Variants in KCNJ16 observed in about 807,000 individuals in gnomAD.
KCNJ16 encodes the protein potassium inwardly rectifying channel subfamily J member 16, also known as inward rectifier potassium channel 16.
In KCNJ16, 15 loss-of-function variants were observed where a neutral mutation model predicts 18.5. The ratio of observed to expected loss-of-function variants is 0.81; its 90% CI spans 0.54 to 1.25. KCNJ16 has a LOEUF of 1.25. Ranked by LOEUF, KCNJ16 falls within the 50% of genes most tolerant of loss-of-function variation. KCNJ16 has a pLI of 0.00. For synonymous variants in KCNJ16, 174 were observed against 186.5 expected (o/e 0.93, Z 0.55); for missense variants, 523 against 525.7 (o/e 0.99, Z 0.05).
chr17:70,090,607 G>T (rs1383571380), intron 1 of KCNJ16, among the ~76,000 whole-genome samples: 3 of 152,044 alleles, frequency 2.0e-5, no homozygotes, highest in Non-Finnish European at 2.9e-5. Flanking sequence ...AGTAATTTTT[G>T]ATTTATCTAC....
intron 2 of KCNJ16, among the ~76,000 whole-genome samples, chr17:70,117,607 AC>A (rs1252986761): frequency 2.0e-5 from 3 of 152,304 alleles, no homozygotes; most frequent in Non-Finnish European, 4.4e-5. Flanking sequence ...TGTTTGGAGA[AC>A]TGTCAACACT....
chr17:70,077,405 G>A (rs964325824), intron 1 of KCNJ16, among the ~76,000 whole-genome samples: 15 of 152,186 alleles, frequency 9.9e-5, no homozygotes, highest in African/African-American at 3.6e-4. Flanking sequence ...AAGCATGAGA[G>A]CAAATGAAGT....
chr17:70,131,448 C>T (rs140165818), intron 3 of KCNJ16: 66 of 997,730 alleles, frequency 6.6e-5, no homozygotes, highest in African/African-American at 4.9e-4. Context: ...GAAAAGCCTC[C>T]GTGGAAGAGA....
At chr17:70,115,879 TA>T (rs1301956164) in intron 2 of KCNJ16, among the ~76,000 whole-genome samples, 3 of 152,208 alleles carry the variant, frequency 2.0e-5, no homozygotes, top group African/African-American at 4.8e-5. Flanking sequence ...TGGCTGACTT[TA>T]AATGTCTGTA....
chr17:70,093,658 T>G (rs145592117), intron 1 of KCNJ16, among the ~76,000 whole-genome samples: 96 of 152,284 alleles, frequency 6.3e-4, no homozygotes, highest in Non-Finnish European at 1.1e-3. Flanking sequence ...GCTTTCCTTA[T>G]AAAAGGGTAG....
chr17:70,097,326 T>C (rs369863797), intron 1 of KCNJ16, among the ~76,000 whole-genome samples: 44 of 152,326 alleles, frequency 2.9e-4, no homozygotes, highest in South Asian at 6.2e-4. Flanking sequence ...TGTGAGAATG[T>C]CACTGTTTTT....
chr17:70,091,602 CAT>C (rs1235991144), intron 1 of KCNJ16, among the ~76,000 whole-genome samples: 2 of 26,166 alleles, frequency 7.6e-5, no homozygotes, highest in Non-Finnish European at 1.4e-4. Context: ...CCCCAGTACA[CAT>C]ACACACACAC....
chr17:70,125,273 GAAA>G (rs111228932), intron 2 of KCNJ16, among the ~76,000 whole-genome samples: 1 of 126,694 alleles, frequency 7.9e-6, no homozygotes, highest in Admixed American at 8.1e-5. Flanking sequence ...CTGTTTCAAA[GAAA>G]AAAAAAAAAA....
At chr17:70,088,227 GGA>G (rs1329232790) in intron 1 of KCNJ16, among the ~76,000 whole-genome samples, 1 of 151,994 alleles carries the variant, frequency 6.6e-6, no homozygotes, top group African/African-American at 2.4e-5. Flanking sequence ...CACGGATGGA[GGA>G]GAGAGGGGAT....
intron 1 of KCNJ16, among the ~76,000 whole-genome samples, chr17:70,082,167 A>T (rs142078007): frequency 6.6e-6 from 1 of 152,338 alleles, no homozygotes; most frequent in East Asian, 1.9e-4. Flanking sequence ...CTGGGAGATC[A>T]AGGGAAGCTT....
intron 1 of KCNJ16, among the ~76,000 whole-genome samples, chr17:70,079,664 AG>A (rs2071466350): frequency 6.6e-6 from 1 of 152,206 alleles, no homozygotes; most frequent in Non-Finnish European, 1.5e-5. Flanking sequence ...ATTTGCATAT[AG>A]AAGCATCCAT....
chr17:70,081,622 C>T (rs1192030725), intron 1 of KCNJ16, among the ~76,000 whole-genome samples: 2 of 152,028 alleles, frequency 1.3e-5, no homozygotes, highest in East Asian at 3.9e-4. Flanking sequence ...TCAGCTCATC[C>T]CTGTTTTTGC....
intron 3 of KCNJ16, chr17:70,131,556 C>A: frequency 1.2e-6 from 1 of 801,984 alleles, no homozygotes; most frequent in Non-Finnish European, 1.5e-6. Context: ...TTATTGCATC[C>A]TTCTTTTAAG....
Position 70,133,490 on chromosome 17 carries a change from A to ATAATC in KCNJ16, c.*150_*154dup, listed in dbSNP as rs893096059. ...TAGAGTAAGTTAAACTTGGTAAAAG[A>ATAATC]TAATCTAAAAATTCCATAGTTCTCA... On this transcript the variant is annotated 3_prime_UTR_variant, in exon 4 of 4. Coordinates refer to ENST00000392671, the MANE Select transcript of KCNJ16 (RefSeq NM_170741.4). 13 of 659,754 alleles carry ATAATC rather than the reference A, an allele frequency of 2.0e-5. No homozygotes were observed. In the African/African-American group the frequency reaches 2.1e-4, roughly 11 times the overall value. 40.9% of individuals were successfully genotyped at this position (659,754 alleles called of 1,614,324 possible).
intron 2 of KCNJ16, among the ~76,000 whole-genome samples, chr17:70,125,054 T>A (rs1283698149): frequency 6.6e-6 from 1 of 151,872 alleles, no homozygotes; most frequent in Non-Finnish European, 1.5e-5. Context: ...TTGCTTGAGG[T>A]CAGGAGTTCA....
rs545057636 is a variant in KCNJ16, at chr17:70,133,108, G to T, written c.1021G>T (p.Ala341Ser). ...SVEVYAPFCS[A>S]KQLDWKDQQL... is the part of the protein sequence containing the mutation. The stretch of plus-strand genomic sequence containing the variant: ...GGAAGTATATGCCCCCTTTTGCAGT[G>T]CCAAGCAATTGGACTGGAAAGACCA... The change falls in exon 4 of 4, where the codon GCC (alanine) becomes TCC (serine). Residue 341 changes from alanine (A) to serine (S), a missense_variant. Transcript: ENST00000392671. The T allele has an allele frequency of 1.7e-4, 274 of 1,614,166 alleles. 1 individual carries two copies. In the East Asian group the frequency reaches 5.9e-3, roughly 35 times the overall value.
At chr17:70,091,911 G>A (rs7214244) in intron 1 of KCNJ16, among the ~76,000 whole-genome samples, 2,189 of 152,212 alleles carry the variant, frequency 0.014, 47 homozygotes, top group African/African-American at 0.049. Context: ...TCCTGTGACA[G>A]CTTGGGTGAG....
At chr17:70,117,886 T>C (rs889685365) in intron 2 of KCNJ16, among the ~76,000 whole-genome samples, 2 of 152,152 alleles carry the variant, frequency 1.3e-5, no homozygotes, top group Admixed American at 6.5e-5. Context: ...TCCTTGGGCT[T>C]TAGAGCAGGG....
At chr17:70,124,670 T>C (rs2073786509) in intron 2 of KCNJ16, among the ~76,000 whole-genome samples, 1 of 152,158 alleles carries the variant, frequency 6.6e-6, no homozygotes, top group Non-Finnish European at 1.5e-5. Context: ...GGCAGACTGA[T>C]TTTCAAGATA....
Sources: allele counts gnomAD v4.1 joint callset (sites outside exome capture counted in the v4.1 genomes callset), GRCh38; gene constraint gnomAD v4.1.1; transcripts MANE v1.5; gene names NCBI Gene and HGNC (gene_info 2026-07-23, HGNC 2026-07-21).